The following OR1B1 variants were observed in gnomAD, a reference collection of about 807,000 sequenced individuals.
The protein encoded by OR1B1 is olfactory receptor 1B1.
For missense variants in OR1B1, 414 were observed against 402.1 expected (o/e 1.03, Z -0.25); for synonymous variants, 168 against 156.2 (o/e 1.08, Z -0.57).
chr9:122,644,426 C>T, the OR1B1 span, among the ~76,000 whole-genome samples: 1 of 152,184 alleles, frequency 6.6e-6, no homozygotes, highest in African/African-American at 2.4e-5. Flanking sequence ...GGTTTGAGTG[C>T]CAGCTTAGCC....
chr9:122,640,283 T>C, the OR1B1 span, among the ~76,000 whole-genome samples: 1 of 152,154 alleles, frequency 6.6e-6, no homozygotes, highest in African/African-American at 2.4e-5. Flanking sequence ...TTTCTATATA[T>C]TTTCCTTACT....
chr9:122,636,784 A>G, the OR1B1 span, among the ~76,000 whole-genome samples: 1 of 152,246 alleles, frequency 6.6e-6, no homozygotes, highest in African/African-American at 2.4e-5. Flanking sequence ...AAGTTAATAC[A>G]AAGGTTTCGG....
the OR1B1 span, among the ~76,000 whole-genome samples, chr9:122,638,362 T>C: frequency 6.6e-6 from 1 of 152,216 alleles, no homozygotes; most frequent in South Asian, 2.1e-4. Context: ...GGTTCCTATG[T>C]ATTTTTCTAT....
the OR1B1 span, among the ~76,000 whole-genome samples, chr9:122,641,272 T>C: frequency 7.9e-5 from 12 of 152,364 alleles, no homozygotes; most frequent in African/African-American, 2.9e-4. Context: ...ATAAGCCCTA[T>C]ATATGTGACA....
the OR1B1 span, among the ~76,000 whole-genome samples, chr9:122,656,397 G>GT: frequency 1.3e-5 from 2 of 152,048 alleles, no homozygotes; most frequent in African/African-American, 2.4e-5. Context: ...AGGAGATTAG[G>GT]TATCTTTTCT....
the OR1B1 span, among the ~76,000 whole-genome samples, chr9:122,641,307 A>C: frequency 3.9e-4 from 60 of 152,332 alleles, no homozygotes; most frequent in African/African-American, 1.1e-3. Flanking sequence ...AATTACTGAA[A>C]TGTGAATTTA....
At chr9:122,628,787 T>C (rs763084981) in exon 1 of OR1B1, 110 of 1,613,746 alleles carry the variant, frequency 6.8e-5, no homozygotes, top group Non-Finnish European at 8.5e-5. Context: ...CATGGTGAGG[T>C]GGGATCCACA....
At chr9:122,637,941 T>C in the OR1B1 span, among the ~76,000 whole-genome samples, 1 of 152,188 alleles carries the variant, frequency 6.6e-6, no homozygotes, top group Non-Finnish European at 1.5e-5. Flanking sequence ...CAGTTAAATA[T>C]AGTGCTATAA....
upstream of OR1B1, among the ~76,000 whole-genome samples, chr9:122,632,115 C>T (rs1037168015): frequency 3.3e-5 from 5 of 152,030 alleles, no homozygotes; most frequent in Admixed American, 2.0e-4. Flanking sequence ...GATGAGCTCA[C>T]AATTCAAAAT....
chr9:122,646,068 T>G, the OR1B1 span, among the ~76,000 whole-genome samples: 1 of 152,252 alleles, frequency 6.6e-6, no homozygotes, highest in Non-Finnish European at 1.5e-5. Flanking sequence ...TGTAGAGTTT[T>G]TATTCATTTG....
At chr9:122,628,489 C>T (rs1035344091), downstream of OR1B1, 12 of 806,186 alleles carry the variant, frequency 1.5e-5, no homozygotes, top group Non-Finnish European at 2.3e-5. Context: ...TATCTAGGCC[C>T]TCCACCCCTC....
the OR1B1 span, among the ~76,000 whole-genome samples, chr9:122,651,298 A>G: frequency 2.0e-5 from 3 of 152,176 alleles, no homozygotes; most frequent in Non-Finnish European, 2.9e-5. Context: ...CATCTCAAAC[A>G]CTTGTCATTT....
the OR1B1 span, among the ~76,000 whole-genome samples, chr9:122,648,921 A>C: frequency 1.3e-5 from 2 of 152,178 alleles, no homozygotes; most frequent in African/African-American, 4.8e-5. Context: ...ATATGGAACC[A>C]AAAAAGAGCC....
the OR1B1 span, among the ~76,000 whole-genome samples, chr9:122,656,689 C>G: frequency 1.3e-5 from 2 of 152,100 alleles, no homozygotes; most frequent in African/African-American, 4.8e-5. Flanking sequence ...ATTACAGCAG[C>G]AGAAAATGGA....
chr9:122,648,773 A>C, the OR1B1 span, among the ~76,000 whole-genome samples: 29 of 152,238 alleles, frequency 1.9e-4, no homozygotes, highest in African/African-American at 6.8e-4. Context: ...ATGGAAAAAC[A>C]TTCCATGCTC....
At chr9:122,657,025 T>A in the OR1B1 span, among the ~76,000 whole-genome samples, 13 of 151,936 alleles carry the variant, frequency 8.6e-5, no homozygotes. Flanking sequence ...TCTAGTTTAA[T>A]TTTTTTTCAT....
At chr9:122,629,428 A>C in exon 1 of OR1B1, 1 of 1,614,040 alleles carries the variant, frequency 6.2e-7, no homozygotes, top group South Asian at 1.1e-5. Context: ...TGGTCAGGTA[A>C]ATAGCCAGGA....
chr9:122,628,454 G>C, downstream of OR1B1: 4 of 672,108 alleles, frequency 6.0e-6, no homozygotes, highest in Non-Finnish European at 8.0e-6. Flanking sequence ...ACATTGACAA[G>C]AGCCAAATCT....
At chr9:122,632,320 G>A (rs187081444), upstream of OR1B1, among the ~76,000 whole-genome samples, 1 of 151,940 alleles carries the variant, frequency 6.6e-6, no homozygotes, top group Non-Finnish European at 1.5e-5. Context: ...ATTTTTAAAG[G>A]CCCAAAAAGA....
Sources: gnomAD v4.1 joint callset for allele counts (sites outside exome capture counted in the v4.1 genomes callset) on GRCh38, gnomAD v4.1.1 for gene constraint, MANE v1.5 for transcripts, NCBI Gene and HGNC (gene_info 2026-07-23, HGNC 2026-07-21) for gene names.